The following MEI4 variants were observed in gnomAD, a reference collection of about 807,000 sequenced individuals.
MEI4 encodes the protein meiotic double-stranded break formation protein 4, also known as meiosis-specific protein MEI4.
In MEI4, 27 loss-of-function variants were observed where a neutral mutation model predicts 31.4. The observed-to-expected ratio is 0.86, with a 90% CI of 0.63 to 1.19. MEI4 has a LOEUF of 1.19. Among genes scored for constraint, MEI4 ranks in the 50% most tolerant of loss-of-function variants. MEI4 has a pLI of 0.00. For missense variants in MEI4, 329 were observed against 398.9 expected (o/e 0.82, Z 1.49); for synonymous variants, 122 against 145.4 (o/e 0.84, Z 1.16).
rs139539026 is a variant in MEI4 at position 77,846,834 on chromosome 6, T to G, written c.900+17772T>G. Among the ~76,000 whole-genome samples the G allele has an allele frequency of 1.4e-3, 213 of 152,302 alleles. 1 individual carries two copies. Among genetic ancestry groups the G allele is most frequent in the African/African-American group, 4.5e-3 (187 of 41,570 alleles). ...CTAAGCATTGACAGTTCAAGGGCCT[T>G]TGTTACATCTTGCAGTATACAGAGC... On this transcript the variant is annotated intron_variant, in intron 4 of 4. Coordinates refer to ENST00000684080, the MANE Select transcript of MEI4 (RefSeq NM_001322247.2).
intron 4 of MEI4, among the ~76,000 whole-genome samples, chr6:77,898,559 A>G (rs1161205347): frequency 6.6e-6 from 1 of 151,890 alleles, no homozygotes; most frequent in African/African-American, 2.4e-5. Flanking sequence ...TCTTTCACTT[A>G]TTGCCTTTGT....
intron 4 of MEI4, among the ~76,000 whole-genome samples, chr6:77,901,691 T>G (rs1270029371): frequency 6.6e-6 from 1 of 152,150 alleles, no homozygotes; most frequent in Non-Finnish European, 1.5e-5. Flanking sequence ...ATTGTTTCCT[T>G]GGCTGTTCAG....
chr6:77,778,324 G>C (rs1332585307), intron 3 of MEI4, among the ~76,000 whole-genome samples: 1 of 152,088 alleles, frequency 6.6e-6, no homozygotes, highest in Non-Finnish European at 1.5e-5. Context: ...AGAGGTGATG[G>C]TGGAAAGGAG....
intron 4 of MEI4, among the ~76,000 whole-genome samples, chr6:77,845,839 T>C (rs1323590321): frequency 6.6e-6 from 1 of 151,782 alleles, no homozygotes; most frequent in Non-Finnish European, 1.5e-5. Flanking sequence ...TAGATTTTCA[T>C]TGAGATATTT....
At chr6:77,917,736 T>C (rs1171282859) in intron 4 of MEI4, among the ~76,000 whole-genome samples, 2 of 149,866 alleles carry the variant, frequency 1.3e-5, no homozygotes, top group African/African-American at 5.0e-5. Context: ...ACTCTGATGG[T>C]AGTTTCTTTT....
chr6:77,887,548 C>T (rs1054846822), intron 4 of MEI4, among the ~76,000 whole-genome samples: 3 of 152,088 alleles, frequency 2.0e-5, no homozygotes, highest in South Asian at 2.1e-4. Flanking sequence ...CCACCCCCCT[C>T]AGCCTCCCAA....
intron 1 of MEI4, among the ~76,000 whole-genome samples, chr6:77,684,022 T>C (rs184491269): frequency 3.9e-5 from 6 of 152,312 alleles, no homozygotes; most frequent in Admixed American, 2.0e-4. Flanking sequence ...GATTTCCTTT[T>C]CTCCACATCC....
intron 2 of MEI4, among the ~76,000 whole-genome samples, chr6:77,694,321 T>G (rs1268616806): frequency 1.3e-5 from 2 of 152,088 alleles, no homozygotes; most frequent in Non-Finnish European, 2.9e-5. Flanking sequence ...TGCAGGTTAG[T>G]TACATACGTA....
chr6:77,670,334 G>A (rs1768715487), intron 1 of MEI4, among the ~76,000 whole-genome samples: 2 of 151,978 alleles, frequency 1.3e-5, no homozygotes, highest in African/African-American at 4.8e-5. Flanking sequence ...CAGTATAGTT[G>A]ATTGGTTATT....
chr6:77,812,134 G>C lies in MEI4; in HGVS notation c.769-16797G>C, dbSNP rs1769587996. Among the ~76,000 whole-genome samples, 4 of 151,640 alleles carry C rather than the reference G, an allele frequency of 2.6e-5. No homozygotes were observed. In the South Asian group the frequency reaches 8.3e-4, roughly 32 times the overall value. On this transcript the variant is annotated intron_variant, in intron 3 of 4. Transcript: ENST00000684080. ...AATACGTGGCTTGTAACTTTTTTTTGGTTTTATTTTTTCCTAAACAGTTGC... is the reference window on the plus strand; with the variant it reads ...AATACGTGGCTTGTAACTTTTTTTTCGTTTTATTTTTTCCTAAACAGTTGC...
At chr6:77,680,559 A>G (rs1768938749) in intron 1 of MEI4, among the ~76,000 whole-genome samples, 1 of 152,154 alleles carries the variant, frequency 6.6e-6, no homozygotes, top group South Asian at 2.1e-4. Flanking sequence ...GTTACCTGGA[A>G]TAAGTTAAGG....
intron 4 of MEI4, among the ~76,000 whole-genome samples, chr6:77,874,846 T>G (rs895038914): frequency 6.6e-6 from 1 of 152,224 alleles, no homozygotes; most frequent in African/African-American, 2.4e-5. Flanking sequence ...AGGCCTTTTC[T>G]GCATCTATTG....
At chr6:77,683,416 A>G (rs1162031650) in intron 1 of MEI4, among the ~76,000 whole-genome samples, 4 of 152,156 alleles carry the variant, frequency 2.6e-5, no homozygotes, top group South Asian at 2.1e-4. Flanking sequence ...CGTGGTGAGA[A>G]CACTTAAGAT....
intron 4 of MEI4, among the ~76,000 whole-genome samples, chr6:77,888,742 AT>A (rs369390721): frequency 7.1e-4 from 108 of 152,236 alleles, no homozygotes; most frequent in African/African-American, 2.4e-3. Flanking sequence ...TTTGATACTA[AT>A]ATGGCCTGGC....
In MEI4 at chr6:77,841,333, A is replaced by ATATATATATATTTT; in HGVS notation, c.900+12272_900+12273insATATATATATTTTT. ...TGTGTGCATATATATATATATATATATTTTTTTTTTTTTTTTTTTTTTTGA... is the reference window on the plus strand; with the variant it reads ...TGTGTGCATATATATATATATATATATATATATATATTTTTTTTTTTTTTTTTTTTTTTTTTTGA... On this transcript the variant is annotated intron_variant, in intron 4 of 4. Coordinates refer to ENST00000684080, the MANE Select transcript of MEI4 (RefSeq NM_001322247.2). Among the ~76,000 whole-genome samples the ATATATATATATTTT allele has an allele frequency of 5.4e-3, 150 of 27,732 alleles. 8 individuals are homozygous for ATATATATATATTTT. Among genetic ancestry groups the ATATATATATATTTT allele is most frequent in the South Asian group, 7.1e-3 (6 of 846 alleles). The allele number at this position is 27,732 out of a possible 152,430, so 18.2% of individuals were successfully genotyped here. A position where few individuals can be genotyped will look rare whatever the true frequency, so the allele number is the denominator to read the frequency against.
At chr6:77,764,741 A>G (rs188124354) in intron 3 of MEI4, among the ~76,000 whole-genome samples, 1 of 152,344 alleles carries the variant, frequency 6.6e-6, no homozygotes, top group East Asian at 1.9e-4. Context: ...TTAGAAGTTC[A>G]AAAGCTTTCT....
chr6:77,658,207 T>C lies in MEI4; in HGVS notation c.-15+5115T>C, dbSNP rs746692396. On this transcript the variant is annotated intron_variant, in intron 1 of 4. Transcript: ENST00000684080. Reference sequence around the variant, plus strand: ...AGAGCAATGTTTTGCGGGCAGGGGGTGGGTCTCACAAAGTACATTCTCAAG... The same window carrying C: ...AGAGCAATGTTTTGCGGGCAGGGGGCGGGTCTCACAAAGTACATTCTCAAG... Among the ~76,000 whole-genome samples the C allele has an allele frequency of 4.7e-4, 71 of 151,654 alleles. 3 individuals are homozygous for C. Among genetic ancestry groups the C allele is most frequent in the Non-Finnish European group, 1.5e-4 (10 of 67,912 alleles).
At chr6:77,728,466 T>G (rs1766885056) in intron 2 of MEI4, among the ~76,000 whole-genome samples, 1 of 152,226 alleles carries the variant, frequency 6.6e-6, no homozygotes, top group South Asian at 2.1e-4. Flanking sequence ...ACACTTTGAT[T>G]TCTGGAAGTC....
chr6:77,841,333 A>ATATATATATATATATATTTTTTT, intron 4 of MEI4, among the ~76,000 whole-genome samples: 3 of 27,736 alleles, frequency 1.1e-4, no homozygotes, highest in Admixed American at 5.9e-4. Flanking sequence ...ATATATATAT[A>ATATATATATATATATATTTTTTT]TTTTTTTTTT....
Sources: gnomAD v4.1 joint callset for allele counts (sites outside exome capture counted in the v4.1 genomes callset) on GRCh38, gnomAD v4.1.1 for gene constraint, MANE v1.5 for transcripts, NCBI Gene and HGNC (gene_info 2026-07-23, HGNC 2026-07-21) for gene names.